GNB1L: variants seen among roughly 807,000 people sequenced by gnomAD.
GNB1L encodes the protein guanine nucleotide-binding protein subunit beta-like protein 1.
GNB1L carries 20 observed loss-of-function variants against 29.1 expected under a neutral mutation model. The ratio of observed to expected loss-of-function variants is 0.69; its 90% confidence interval spans 0.48 to 1.00. The LOEUF (loss-of-function observed/expected upper bound fraction) is 1.00, where lower values mean the gene tolerates loss of function less well. Ranked by LOEUF, GNB1L falls within the 50% of genes least tolerant of loss-of-function variation. The pLI is 0.00. For synonymous variants in GNB1L, 193 were observed against 206.5 expected, an observed-to-expected ratio of 0.93 and a Z score of 0.56; for missense variants, 421 against 464.9, an observed-to-expected ratio of 0.91 and a Z score of 0.87.
chr22:19,852,027 T>C (rs1427427624), intron 2 of GNB1L: 2 of 1,614,076 alleles, frequency 1.2e-6, no homozygotes, highest in Non-Finnish European at 8.5e-7. Context: ...AGGGGACCCC[T>C]TTCTGCAGGT....
intron 2 of GNB1L, chr22:19,851,232 T>C (rs1419531155): frequency 3.1e-6 from 5 of 1,600,758 alleles, no homozygotes; most frequent in Non-Finnish European, 4.3e-6. Context: ...TCCTGTGGGG[T>C]ACCTAAGGAC....
chr22:19,787,882 GCCCTGGGGGCCA>G lies in GNB1L; in HGVS notation c.*815_*826del, dbSNP rs1937205327. On this transcript the variant is annotated 3_prime_UTR_variant, in exon 8 of 8. Coordinates refer to ENST00000329517, the MANE Select transcript of GNB1L (RefSeq NM_053004.3). ...CTAAGTCCTGCTCTTGCTGTGTTGT[GCCCTGGGGGCCA>G]CCCTGTGTGCAGCCGCAGCTGTGAC... is the stretch of plus-strand genomic sequence containing the variant. 1 of 152,538 alleles carries G rather than the reference GCCCTGGGGGCCA, an allele frequency of 6.6e-6. No individual in the cohort carries two copies. Among genetic ancestry groups the G allele is most frequent in the South Asian group, 2.1e-4 (1 of 4,848 alleles). 9.4% of individuals were successfully genotyped at this position (152,538 alleles called of 1,614,324 possible).
chr22:19,852,308 G>A, intron 2 of GNB1L: 3 of 1,559,478 alleles, frequency 1.9e-6, no homozygotes, highest in East Asian at 4.5e-5. Context: ...CTGGTGGGTG[G>A]TGGGGGTGTG....
intron 2 of GNB1L, chr22:19,852,258 G>C: frequency 1.2e-6 from 2 of 1,601,902 alleles, no homozygotes; most frequent in Non-Finnish European, 1.7e-6. Context: ...CGGCCACGAG[G>C]CATGCTGGGA....
intron 6 of GNB1L, among the ~76,000 whole-genome samples, chr22:19,802,740 A>G (rs986149583): frequency 1.9e-4 from 29 of 152,234 alleles, no homozygotes; most frequent in Non-Finnish European, 2.6e-4. Flanking sequence ...CATCTCCATG[A>G]AAAATGAACT....
chr22:19,852,070 C>A, intron 2 of GNB1L: 1 of 1,614,258 alleles, frequency 6.2e-7, no homozygotes, highest in Non-Finnish European at 8.5e-7. Flanking sequence ...CTGTGCTCTT[C>A]TGCTCCATGG....
chr22:19,804,495 T>C (rs1390501178), intron 6 of GNB1L, among the ~76,000 whole-genome samples: 2 of 152,218 alleles, frequency 1.3e-5, no homozygotes, highest in African/African-American at 2.4e-5. Flanking sequence ...GCAATTATTC[T>C]TATGTTGCAG....
In GNB1L at chr22:19,820,684, C is replaced by A; in HGVS notation, c.168G>T (p.Thr56=). 6.2e-7 allele frequency: 1 copy of A among 1,613,704 alleles called. No individual in the cohort carries two copies. Among genetic ancestry groups the A allele is most frequent in the African/African-American group, 1.3e-5 (1 of 75,054 alleles). Residue 56 remains threonine, a synonymous_variant, in exon 4 of 8, where the codon ACG becomes ACT. Coordinates refer to ENST00000329517, the MANE Select transcript of GNB1L (RefSeq NM_053004.3). ...SGLVHIWSLQ[T]RRAVTTLDGH... ...CATCCAGGGTGGTAACCGCTCTCCG[C>A]GTCTGCAGGCTCCAGATGTGTACCA...
chr22:19,849,373 T>C (rs1302703834), intron 2 of GNB1L: 1 of 545,916 alleles, frequency 1.8e-6, no homozygotes, highest in East Asian at 1.6e-4. Flanking sequence ...TTTTTTGTTG[T>C]TTTTTTTTTT....
rs1468350618 is a variant in GNB1L at position 19,847,803 on chromosome 22, G to GGAAAA, written c.-21+6639_-21+6640insTTTTC. Reference sequence around the variant, plus strand: ...AACTTTTAAAATCCTGGAATCATAGGCAAAAAAAAAAAAAAAAAAAAATTC... The same window carrying GGAAAA: ...AACTTTTAAAATCCTGGAATCATAGGGAAAACAAAAAAAAAAAAAAAAAAAAATTC... On this transcript the variant is annotated intron_variant, in intron 2 of 7. Coordinates refer to ENST00000329517, the MANE Select transcript of GNB1L (RefSeq NM_053004.3). 8.6e-5 allele frequency: 38 copies of GGAAAA among 440,406 alleles called. 1 individual carries two copies. The African/African-American group carries it at 1.4e-3, about 16-fold the overall frequency. The allele number at this position is 440,406 out of a possible 1,614,324, so 27.3% of individuals were successfully genotyped here. A position where few individuals can be genotyped will look rare whatever the true frequency, so the allele number is the denominator to read the frequency against.
At chr22:19,837,753 T>G (rs1937790068) in intron 2 of GNB1L, among the ~76,000 whole-genome samples, 1 of 152,144 alleles carries the variant, frequency 6.6e-6, no homozygotes, top group South Asian at 2.1e-4. Context: ...CAGAGCTATA[T>G]CCACACCTGG....
In GNB1L at chr22:19,821,229, C is replaced by G. The variant is rs1038809891; in HGVS notation, c.127G>C (p.Gly43Arg). 6.2e-7 allele frequency: 1 copy of G among 1,609,382 alleles called. No homozygotes were observed. The highest frequency in any genetic ancestry group is 8.5e-7 in the Non-Finnish European group (1 of 1,177,364). ...QAQGRPLLFSGSQSGLVHIWS... is the reference protein window; with the variant it reads ...QAQGRPLLFSRSQSGLVHIWS... ...GGGGCTGGGGCCACAGCTACTCACC[C>G]TGAGAAGAGGAGCGGGCGCCCCTGA... Residue 43 changes from glycine to arginine, a missense_variant and splice_region_variant, in exon 3 of 8, where the codon GGG (glycine) becomes CGG (arginine). Coordinates refer to ENST00000329517, the MANE Select transcript of GNB1L (RefSeq NM_053004.3).
At chr22:19,831,630 G>C (rs1937682022) in intron 2 of GNB1L, among the ~76,000 whole-genome samples, 1 of 151,574 alleles carries the variant, frequency 6.6e-6, no homozygotes. Flanking sequence ...GGCGGAGCTT[G>C]TAGTGAGCCA....
rs901319361 is a variant in GNB1L, at chr22:19,848,036, C to T, written c.-21+6407G>A. On this transcript the variant is annotated intron_variant, in intron 2 of 7. Coordinates refer to ENST00000329517, the MANE Select transcript of GNB1L (RefSeq NM_053004.3). ...ATATTTATTTGGCCCGTTTCAAAGT[C>T]CTCTATTCTCTGCTCATCTGTCCAC... The T allele has an allele frequency of 8.1e-6, 8 of 985,286 alleles. No homozygotes were observed. In the African/African-American group the frequency reaches 1.2e-4, roughly 15 times the overall value. The allele number at this position is 985,286 out of a possible 1,614,324, so 61.0% of individuals were successfully genotyped here. A position where few individuals can be genotyped will look rare whatever the true frequency, so the allele number is the denominator to read the frequency against.
chr22:19,851,782 C>G (rs143337064), intron 2 of GNB1L: 6 of 1,613,426 alleles, frequency 3.7e-6, no homozygotes, highest in Non-Finnish European at 5.1e-6. Context: ...GGGGCAGGTC[C>G]CCATCAAGGT....
rs1937159693 is a variant in GNB1L, at chr22:19,783,265, C to T, written c.*5444G>A. ...ATTAATGTAGCAAGAGATAATGGCA[C>T]CAGGATGAGGCCAAATGACTCGATT... On this transcript the variant is annotated 3_prime_UTR_variant, in exon 8 of 8. Transcript: ENST00000329517. 1.9e-6 allele frequency: 1 copy of T among 520,360 alleles called. No individual in the cohort carries two copies. The highest frequency in any genetic ancestry group is 3.5e-6 in the Non-Finnish European group (1 of 285,562). 32.2% of individuals were successfully genotyped at this position (520,360 alleles called of 1,614,324 possible).
intron 5 of GNB1L, among the ~76,000 whole-genome samples, chr22:19,809,029 G>A (rs1009800011): frequency 2.6e-5 from 4 of 152,022 alleles, no homozygotes; most frequent in African/African-American, 4.8e-5. Flanking sequence ...GAAGTCACCT[G>A]GCAAGGGCTC....
rs1041542844 is a variant in GNB1L at position 19,816,128 on chromosome 22, C to G, written c.255-3681G>C. Among the ~76,000 whole-genome samples, 3 of 152,168 alleles carry G rather than the reference C, an allele frequency of 2.0e-5. No homozygotes were observed. Among genetic ancestry groups the G allele is most frequent in the Non-Finnish European group, 4.4e-5 (3 of 68,018 alleles). On this transcript the variant is annotated intron_variant, in intron 4 of 7. Transcript: ENST00000329517. This position sits in a 1 kb window ranked among gnomAD's most constrained non-coding sequence, Gnocchi z 4.4. ...CGCGGGGCCCCGGCTGCCTCTGCCCCCTGCATGGCCCCTTCTCTCTCCCTG... is the reference window on the plus strand; with the variant it reads ...CGCGGGGCCCCGGCTGCCTCTGCCCGCTGCATGGCCCCTTCTCTCTCCCTG...
intron 2 of GNB1L, among the ~76,000 whole-genome samples, chr22:19,831,176 C>T (rs1937673983): frequency 6.6e-6 from 1 of 151,796 alleles, no homozygotes; most frequent in South Asian, 2.1e-4. Context: ...GCCTGGCCAA[C>T]ATGGTAAAAC....
Sources: gnomAD v4.1 joint callset for allele counts (sites outside exome capture counted in the v4.1 genomes callset) on GRCh38, gnomAD v4.1.1 for gene constraint, Gnocchi (gnomAD v3.1) non-coding constraint, MANE v1.5 for transcripts, NCBI Gene and HGNC (gene_info 2026-07-23, HGNC 2026-07-21) for gene names.